CTNNA3: variants seen among roughly 807,000 people sequenced by gnomAD.
The protein encoded by CTNNA3 is catenin alpha 3, also known as catenin alpha-3.
A neutral mutation model predicts 95.7 loss-of-function variants in CTNNA3; 76 were observed. The ratio of observed to expected loss-of-function variants is 0.79; its 90% confidence interval spans 0.66 to 0.96. CTNNA3 has a LOEUF of 0.96. Ranked by LOEUF, CTNNA3 falls within the 40% of genes least tolerant of loss-of-function variation. The probability of loss-of-function intolerance (pLI) is 0.00; values close to 1 mark genes in which losing one functional copy is unlikely to be tolerated. For synonymous variants in CTNNA3, 431 were observed against 374.4 expected (o/e 1.15, Z -1.74); for missense variants, 1,191 against 1,089.8 (o/e 1.09, Z -1.31).
At chr10:67,692,800 A>C (rs377373887) in intron 1 of CTNNA3, among the ~76,000 whole-genome samples, 19 of 150,824 alleles carry the variant, frequency 1.3e-4, no homozygotes, top group African/African-American at 4.4e-4. Context: ...ATTTACTTTC[A>C]GGCACAAGCC....
intron 7 of CTNNA3, among the ~76,000 whole-genome samples, chr10:66,894,580 C>T (rs116108467): frequency 0.013 from 1,947 of 151,470 alleles, 44 homozygotes; most frequent in African/African-American, 0.044. Flanking sequence ...TTTTTGTAAC[C>T]GGATGTTAAA....
chr10:66,850,933 C>T (rs1843461205), intron 7 of CTNNA3, among the ~76,000 whole-genome samples: 1 of 152,082 alleles, frequency 6.6e-6, no homozygotes, highest in African/African-American at 2.4e-5. Context: ...AGTTAAATCA[C>T]ACTTTCTAAG....
At chr10:65,968,934 C>A (rs964809991) in intron 16 of CTNNA3, among the ~76,000 whole-genome samples, 1 of 152,214 alleles carries the variant, frequency 6.6e-6, no homozygotes, top group Non-Finnish European at 1.5e-5. Context: ...CCAGTCTGGA[C>A]CTGCCCATCT....
intron 15 of CTNNA3, among the ~76,000 whole-genome samples, chr10:66,056,312 T>C (rs144259498): frequency 4.0e-4 from 61 of 152,354 alleles, no homozygotes; most frequent in African/African-American, 1.4e-3. Context: ...TCCTTCATTC[T>C]GTTGGTATGA....
intron 13 of CTNNA3, among the ~76,000 whole-genome samples, chr10:66,246,194 G>A (rs1465036551): frequency 6.6e-6 from 1 of 152,188 alleles, no homozygotes; most frequent in Non-Finnish European, 1.5e-5. Context: ...TGAGAGCAGG[G>A]AAAAGCCAGG....
At chr10:66,409,316 G>C (rs755384215) in intron 11 of CTNNA3, among the ~76,000 whole-genome samples, 1 of 151,942 alleles carries the variant, frequency 6.6e-6, no homozygotes, top group Non-Finnish European at 1.5e-5. Flanking sequence ...CATGTTTTTG[G>C]TCTACTTAAC....
At chr10:67,525,749 T>C (rs569385384) in intron 4 of CTNNA3, among the ~76,000 whole-genome samples, 1 of 152,244 alleles carries the variant, frequency 6.6e-6, no homozygotes, top group Non-Finnish European at 1.5e-5. Flanking sequence ...TCAGATCGAT[T>C]GATTCAAATA....
chr10:67,632,488 G>T (rs1839177389), intron 2 of CTNNA3, among the ~76,000 whole-genome samples: 1 of 152,030 alleles, frequency 6.6e-6, no homozygotes, highest in Non-Finnish European at 1.5e-5. Flanking sequence ...AAGTATCCAG[G>T]TTCTTGCATT....
In CTNNA3 at chr10:66,748,741, A is replaced by G. The variant is rs561422644; in HGVS notation, c.1281+17523T>C. ...TGCTCAAAAATTAAGCAGAAAGTAC[A>G]GAGAGTTCCCATACACCCCTGTCCT... On this transcript the variant is annotated intron_variant, in intron 9 of 17. Coordinates refer to ENST00000433211, the MANE Select transcript of CTNNA3 (RefSeq NM_013266.4). 1.1e-4 allele frequency among the ~76,000 whole-genome samples: 16 copies of G among 152,282 alleles called. No homozygotes were observed. In the South Asian group the frequency reaches 3.1e-3, roughly 30 times the overall value.
chr10:66,834,670 G>A (rs1842831198), intron 7 of CTNNA3, among the ~76,000 whole-genome samples: 1 of 152,176 alleles, frequency 6.6e-6, no homozygotes, highest in African/African-American at 2.4e-5. Flanking sequence ...TTCAAATGCT[G>A]CATTCTAAGC....
chr10:67,709,628 T>G (rs1841096066), intron 1 of CTNNA3, among the ~76,000 whole-genome samples: 1 of 150,864 alleles, frequency 6.6e-6, no homozygotes, highest in Non-Finnish European at 1.5e-5. Flanking sequence ...CCGCTCCATA[T>G]CTGATCTCCC....
At chr10:67,752,794 A>G (rs1200609987) in intron 1 of CTNNA3, among the ~76,000 whole-genome samples, 1 of 152,222 alleles carries the variant, frequency 6.6e-6, no homozygotes, top group Non-Finnish European at 1.5e-5. Flanking sequence ...AAGGAGAACT[A>G]CAAACCACTG....
intron 17 of CTNNA3, among the ~76,000 whole-genome samples, chr10:65,964,595 A>G (rs2077918627): frequency 6.6e-6 from 1 of 152,202 alleles, no homozygotes; most frequent in Admixed American, 6.5e-5. Context: ...TTTAACAGCT[A>G]TGCAGAGGCT....
intron 12 of CTNNA3, among the ~76,000 whole-genome samples, chr10:66,332,822 C>T (rs1194464583): frequency 6.6e-6 from 1 of 151,950 alleles, no homozygotes; most frequent in Non-Finnish European, 1.5e-5. Flanking sequence ...CTCCTTGTAC[C>T]TCTGGTAGAA....
rs555194319 is a variant in CTNNA3 at position 66,082,249 on chromosome 10, C to G, written c.1978-12760G>C. ...CACCAAATGACAAAAACCAACATCA[C>G]CAGAAATAAGATCTATTAATATCTT... On this transcript the variant is annotated intron_variant, in intron 14 of 17. Coordinates refer to ENST00000433211, the MANE Select transcript of CTNNA3 (RefSeq NM_013266.4). Among the ~76,000 whole-genome samples the G allele has an allele frequency of 9.1e-4, 138 of 151,590 alleles. 1 individual carries two copies. The highest frequency in any genetic ancestry group is 3.2e-3 in the African/African-American group (134 of 41,384).
chr10:67,272,361 G>A (rs1839014072), intron 5 of CTNNA3, among the ~76,000 whole-genome samples: 1 of 151,956 alleles, frequency 6.6e-6, no homozygotes, highest in African/African-American at 2.4e-5. Context: ...AGACCAGCCT[G>A]GGCAATATCG....
chr10:66,565,538 T>C (rs1418918549), intron 10 of CTNNA3, among the ~76,000 whole-genome samples: 2 of 152,128 alleles, frequency 1.3e-5, no homozygotes, highest in East Asian at 1.9e-4. Context: ...AAACAGACTT[T>C]TACCGAACAT....
chr10:65,925,826 G>A (rs1428461613), intron 17 of CTNNA3, among the ~76,000 whole-genome samples: 1 of 151,938 alleles, frequency 6.6e-6, no homozygotes, highest in African/African-American at 2.4e-5. Context: ...TTAAAACATA[G>A]CCAGACTTAT....
intron 9 of CTNNA3, among the ~76,000 whole-genome samples, chr10:66,727,374 T>A (rs1269075024): frequency 1.3e-5 from 2 of 152,066 alleles, no homozygotes; most frequent in African/African-American, 4.8e-5. Flanking sequence ...CCTATTAAAG[T>A]ATATAGTTTA....
Sources: gnomAD v4.1 joint callset for allele counts (sites outside exome capture counted in the v4.1 genomes callset) on GRCh38, gnomAD v4.1.1 for gene constraint, MANE v1.5 for transcripts, NCBI Gene and HGNC (gene_info 2026-07-23, HGNC 2026-07-21) for gene names.